The following SGCZ variants were observed in gnomAD, a reference collection of about 807,000 sequenced individuals.
SGCZ encodes the protein zeta-sarcoglycan.
SGCZ carries 40 observed loss-of-function variants against 41.3 expected under a neutral mutation model. That is an observed-to-expected ratio of 0.97 (90% CI 0.75 to 1.26). The LOEUF (loss-of-function observed/expected upper bound fraction) is 1.26. Ranked by LOEUF, SGCZ falls within the 50% of genes most tolerant of loss-of-function variation. SGCZ has a pLI of 0.00. For missense variants in SGCZ, 552 were observed against 369.8 expected, an observed-to-expected ratio of 1.49 and a Z score of -4.04; for synonymous variants, 206 against 137.5, an observed-to-expected ratio of 1.50 and a Z score of -3.49.
intron 1 of SGCZ, among the ~76,000 whole-genome samples, chr8:14,634,998 C>G (rs1343835401): frequency 1.3e-5 from 2 of 151,552 alleles, no homozygotes; most frequent in African/African-American, 4.8e-5. Context: ...GGGTAATTAA[C>G]TTTTATACAT....
chr8:14,990,224 A>G (rs1801961882), intron 1 of SGCZ, among the ~76,000 whole-genome samples: 1 of 152,106 alleles, frequency 6.6e-6, no homozygotes, highest in Non-Finnish European at 1.5e-5. Flanking sequence ...AAAAATATAA[A>G]CCCAAAATTT....
At chr8:15,122,662 A>G (rs1398067340) in intron 1 of SGCZ, among the ~76,000 whole-genome samples, 1 of 152,184 alleles carries the variant, frequency 6.6e-6, no homozygotes, top group African/African-American at 2.4e-5. Flanking sequence ...TATTGATGTT[A>G]TCTAATTTAA....
chr8:14,823,050 C>G (rs1230106246), intron 1 of SGCZ, among the ~76,000 whole-genome samples: 1 of 96,608 alleles, frequency 1.0e-5, no homozygotes, highest in African/African-American at 5.1e-5. Context: ...CCACACCAAT[C>G]CTCATAAAAA....
chr8:14,519,405 G>A (rs1802721616), intron 2 of SGCZ, among the ~76,000 whole-genome samples: 1 of 152,008 alleles, frequency 6.6e-6, no homozygotes, highest in Non-Finnish European at 1.5e-5. Context: ...ATGAAAAAAT[G>A]AAAAATGTAT....
At chr8:14,875,571 G>A (rs1585339669) in intron 1 of SGCZ, among the ~76,000 whole-genome samples, 2 of 152,208 alleles carry the variant, frequency 1.3e-5, no homozygotes, top group African/African-American at 4.8e-5. Flanking sequence ...AAGAGTAGCT[G>A]GCAATAAAAT....
At chr8:14,943,432 T>A (rs2130823672) in intron 1 of SGCZ, among the ~76,000 whole-genome samples, 1 of 152,310 alleles carries the variant, frequency 6.6e-6, no homozygotes, top group South Asian at 2.1e-4. Context: ...AAATGTTGAC[T>A]CTTTGGATCT....
At chr8:15,104,232 C>T (rs1010746851) in intron 1 of SGCZ, among the ~76,000 whole-genome samples, 5 of 152,182 alleles carry the variant, frequency 3.3e-5, no homozygotes, top group South Asian at 4.1e-4. Context: ...GGATTCCTAC[C>T]CTCTCCATCT....
chr8:14,346,550 A>T (rs1264636693), intron 2 of SGCZ, among the ~76,000 whole-genome samples: 1 of 152,084 alleles, frequency 6.6e-6, no homozygotes, highest in Non-Finnish European at 1.5e-5. Flanking sequence ...GCATTTTGTT[A>T]GAAATATTTT....
At chr8:14,776,797 C>T (rs181938133) in intron 1 of SGCZ, among the ~76,000 whole-genome samples, 1 of 151,968 alleles carries the variant, frequency 6.6e-6, no homozygotes, top group Non-Finnish European at 1.5e-5. Flanking sequence ...CCAGCCCAGA[C>T]TAATACACTT....
chr8:14,755,070 C>A lies in SGCZ; in HGVS notation c.40-200144G>T, dbSNP rs556711453. ...AGTTTTAATGGTAGTTTTTAGGTTT[C>A]AATGTCTTATTCATGTTGTTTATTC... On this transcript the variant is annotated intron_variant, in intron 1 of 7. Transcript: ENST00000382080. 2.6e-5 allele frequency among the ~76,000 whole-genome samples: 4 copies of A among 152,124 alleles called. No individual in the cohort carries two copies. In the South Asian group the frequency reaches 8.3e-4, roughly 32 times the overall value.
At chr8:14,137,209 A>C (rs1312948477) in intron 5 of SGCZ, among the ~76,000 whole-genome samples, 1 of 152,216 alleles carries the variant, frequency 6.6e-6, no homozygotes, top group African/African-American at 2.4e-5. Flanking sequence ...AGATAAAACT[A>C]CAAAGATGGG....
chr8:14,121,759 G>C (rs915260119), intron 5 of SGCZ, among the ~76,000 whole-genome samples: 3 of 151,972 alleles, frequency 2.0e-5, no homozygotes, highest in Non-Finnish European at 4.4e-5. Flanking sequence ...AGATAAGTTT[G>C]GTGTCTCACT....
chr8:14,292,264 G>A (rs1800865733), intron 3 of SGCZ, among the ~76,000 whole-genome samples: 1 of 152,042 alleles, frequency 6.6e-6, no homozygotes, highest in Non-Finnish European at 1.5e-5. Flanking sequence ...ATACAAGTGT[G>A]ATGGAGATTT....
chr8:14,211,287 G>A (rs1418611556), intron 4 of SGCZ, among the ~76,000 whole-genome samples: 2 of 151,948 alleles, frequency 1.3e-5, no homozygotes, highest in African/African-American at 4.8e-5. Flanking sequence ...ACTGCAGATG[G>A]GTGTCTCCTC....
intron 1 of SGCZ, among the ~76,000 whole-genome samples, chr8:15,056,499 G>A (rs987692207): frequency 6.6e-6 from 1 of 151,160 alleles, no homozygotes; most frequent in Non-Finnish European, 1.5e-5. Flanking sequence ...ATGAATACAT[G>A]AATGATGTTG....
chr8:14,236,712 A>C (rs971690612), intron 4 of SGCZ, among the ~76,000 whole-genome samples: 3 of 151,574 alleles, frequency 2.0e-5, no homozygotes, highest in South Asian at 2.1e-4. Context: ...ACAGATATGT[A>C]ATGTTTATGG....
At chr8:14,390,089 G>C (rs976007762) in intron 2 of SGCZ, among the ~76,000 whole-genome samples, 3 of 151,852 alleles carry the variant, frequency 2.0e-5, no homozygotes, top group African/African-American at 7.2e-5. Context: ...AATAGACTAT[G>C]AATTTTATTG....
At chr8:14,372,108 A>T (rs1803934338) in intron 2 of SGCZ, among the ~76,000 whole-genome samples, 1 of 152,162 alleles carries the variant, frequency 6.6e-6, no homozygotes, top group South Asian at 2.1e-4. Context: ...AAAGGATTTT[A>T]GGATATACAA....
intron 1 of SGCZ, among the ~76,000 whole-genome samples, chr8:15,001,421 C>T (rs1449078071): frequency 3.9e-5 from 6 of 152,048 alleles, no homozygotes; most frequent in Non-Finnish European, 8.8e-5. Flanking sequence ...CGTGTGCATT[C>T]TAGGGTGAAT....
Sources: allele counts gnomAD v4.1 joint callset (sites outside exome capture counted in the v4.1 genomes callset), GRCh38; gene constraint gnomAD v4.1.1; transcripts MANE v1.5; gene names NCBI Gene and HGNC (gene_info 2026-07-23, HGNC 2026-07-21).